Variants in FARS2 observed in about 807,000 individuals in gnomAD.
The protein encoded by FARS2 is phenylalanine--tRNA ligase, mitochondrial.
FARS2 carries 40 observed loss-of-function variants against 46.4 expected under a neutral mutation model. The observed-to-expected ratio is 0.86, with a 90% CI of 0.67 to 1.12. The LOEUF (loss-of-function observed/expected upper bound fraction) is 1.12. Among genes scored for constraint, FARS2 ranks in the 50% most tolerant of loss-of-function variants. The probability of loss-of-function intolerance (pLI) is 0.00; values close to 1 mark genes in which losing one functional copy is unlikely to be tolerated. For missense variants in FARS2, 513 were observed against 567.9 expected (o/e 0.90, Z 0.98); for synonymous variants, 234 against 214.9 (o/e 1.09, Z -0.78).
intron 6 of FARS2, among the ~76,000 whole-genome samples, chr6:5,631,627 T>G (rs574411484): frequency 6.6e-6 from 1 of 152,338 alleles, no homozygotes; most frequent in East Asian, 1.9e-4. Context: ...TCTGAGATCT[T>G]GGATACCACT....
upstream of FARS2, chr6:5,261,036 G>C: frequency 2.3e-6 from 2 of 869,528 alleles, no homozygotes; most frequent in Non-Finnish European, 2.9e-6. Flanking sequence ...GGACCCAGCA[G>C]CCGCTCCACG....
intron 2 of FARS2, among the ~76,000 whole-genome samples, chr6:5,395,198 G>C (rs981792067): frequency 1.3e-5 from 2 of 152,022 alleles, no homozygotes; most frequent in African/African-American, 4.8e-5. Context: ...TTACAGGCAT[G>C]CACCACCACA....
At chr6:5,310,977 C>T (rs1028254243) in intron 1 of FARS2, among the ~76,000 whole-genome samples, 4 of 152,192 alleles carry the variant, frequency 2.6e-5, no homozygotes, top group Admixed American at 6.5e-5. Context: ...CTCCAGCAAT[C>T]CCACCATTAA....
Position 5,311,358 on chromosome 6 carries a change from C to T in FARS2, c.-22+49698C>T, listed in dbSNP as rs777876365. Among the ~76,000 whole-genome samples the T allele has an allele frequency of 3.4e-4, 51 of 152,154 alleles. No homozygotes were observed. Among genetic ancestry groups the T allele is most frequent in the Non-Finnish European group, 5.3e-4 (36 of 68,034 alleles). On this transcript the variant is annotated intron_variant, in intron 1 of 6. Transcript: ENST00000274680. This position sits in a 1 kb window ranked among gnomAD's most constrained non-coding sequence, Gnocchi z 4.1. Reference sequence around the variant, plus strand: ...ATCACAGGAAACTTTTAGGAAAGGTCGCAAAAGCCACTGAGTTGGAGATAC... The same window carrying T: ...ATCACAGGAAACTTTTAGGAAAGGTTGCAAAAGCCACTGAGTTGGAGATAC...
intron 6 of FARS2, among the ~76,000 whole-genome samples, chr6:5,643,098 T>C (rs927936428): frequency 6.6e-6 from 1 of 152,248 alleles, no homozygotes; most frequent in Non-Finnish European, 1.5e-5. Context: ...AAGAAATATT[T>C]ACTTACGATT....
intron 1 of FARS2, among the ~76,000 whole-genome samples, chr6:5,300,803 T>G (rs746082323): frequency 1.3e-5 from 2 of 152,166 alleles, no homozygotes; most frequent in African/African-American, 2.4e-5. Context: ...CCCAAGTTGC[T>G]GGGACTATAG....
chr6:5,770,310 G>A (rs561409829), intron 6 of FARS2, among the ~76,000 whole-genome samples: 17 of 152,178 alleles, frequency 1.1e-4, no homozygotes, highest in Admixed American at 1.3e-4. Flanking sequence ...GCTGGTTGAC[G>A]GCATCATAAA....
At chr6:5,724,639 C>A (rs1352373906) in intron 6 of FARS2, among the ~76,000 whole-genome samples, 1 of 152,224 alleles carries the variant, frequency 6.6e-6, no homozygotes, top group Non-Finnish European at 1.5e-5. Flanking sequence ...CCAGCCGAGG[C>A]TAAGACTGTC....
intron 6 of FARS2, among the ~76,000 whole-genome samples, chr6:5,642,680 C>T (rs1776882918): frequency 6.6e-6 from 1 of 152,156 alleles, no homozygotes; most frequent in Non-Finnish European, 1.5e-5. Context: ...TGCTGCAGAC[C>T]TTAGATGCCT....
chr6:5,544,199 T>C (rs1449223602), intron 4 of FARS2, among the ~76,000 whole-genome samples: 1 of 152,198 alleles, frequency 6.6e-6, no homozygotes, highest in Non-Finnish European at 1.5e-5. Flanking sequence ...CCATGTGGCC[T>C]CTTCACAGCC....
intron 6 of FARS2, among the ~76,000 whole-genome samples, chr6:5,738,699 G>C (rs751462382): frequency 5.3e-5 from 8 of 151,770 alleles, no homozygotes; most frequent in Admixed American, 5.2e-4. Flanking sequence ...AGAAGAGTTG[G>C]TTACGAGTCA....
At chr6:5,447,035 G>A (rs571886894) in intron 4 of FARS2, among the ~76,000 whole-genome samples, 34 of 152,192 alleles carry the variant, frequency 2.2e-4, no homozygotes, top group Non-Finnish European at 4.0e-4. Context: ...ATGCAAAATC[G>A]AAGACCTTAC....
chr6:5,260,616 C>T (rs1308659822), upstream of FARS2: 1 of 1,489,962 alleles, frequency 6.7e-7, no homozygotes, highest in Non-Finnish European at 9.0e-7. Flanking sequence ...CCCTGGCCCC[C>T]CGCCCCCGGC....
chr6:5,625,894 C>T (rs995790322), intron 6 of FARS2, among the ~76,000 whole-genome samples: 4 of 152,248 alleles, frequency 2.6e-5, no homozygotes, highest in Non-Finnish European at 2.9e-5. Context: ...ATCTCAGATG[C>T]GCAGGTGGTG....
intron 3 of FARS2, among the ~76,000 whole-genome samples, chr6:5,418,979 T>C (rs910787550): frequency 6.6e-5 from 10 of 152,160 alleles, no homozygotes; most frequent in Admixed American, 1.3e-4. Context: ...ATTTGAATCG[T>C]TTGGCTACTC....
chr6:5,520,775 A>G (rs1769085636), intron 4 of FARS2, among the ~76,000 whole-genome samples: 1 of 152,122 alleles, frequency 6.6e-6, no homozygotes, highest in Non-Finnish European at 1.5e-5. Flanking sequence ...TCTCAAAGAA[A>G]TATAGCCCCA....
intron 6 of FARS2, among the ~76,000 whole-genome samples, chr6:5,679,568 C>G (rs1778929174): frequency 1.3e-5 from 2 of 152,184 alleles, no homozygotes; most frequent in African/African-American, 4.8e-5. Flanking sequence ...CCTTACCTCC[C>G]TCTTTTCCCA....
At chr6:5,564,640 T>G (rs1051001649) in intron 5 of FARS2, among the ~76,000 whole-genome samples, 2 of 152,212 alleles carry the variant, frequency 1.3e-5, no homozygotes, top group Non-Finnish European at 2.9e-5. Flanking sequence ...ACCTGATTAT[T>G]TGCATAAAGT....
intron 6 of FARS2, among the ~76,000 whole-genome samples, chr6:5,740,708 CA>C (rs1413997168): frequency 3.3e-5 from 5 of 152,274 alleles, no homozygotes; most frequent in African/African-American, 1.2e-4. Context: ...CTTTTATCCC[CA>C]GTAAGCAAGC....
Sources: gnomAD v4.1 joint callset for allele counts (sites outside exome capture counted in the v4.1 genomes callset) on GRCh38, gnomAD v4.1.1 for gene constraint, Gnocchi (gnomAD v3.1) non-coding constraint, MANE v1.5 for transcripts, NCBI Gene and HGNC (gene_info 2026-07-23, HGNC 2026-07-21) for gene names.